PCDHGB1: variants seen among roughly 807,000 people sequenced by gnomAD.
PCDHGB1 encodes protocadherin gamma subfamily B, 1, also known as protocadherin gamma-B1.
In PCDHGB1, 34 loss-of-function variants were observed where a neutral mutation model predicts 56.6. That is an observed-to-expected ratio of 0.60 (90% CI 0.46 to 0.80). PCDHGB1 has a LOEUF of 0.80. Ranked by LOEUF, PCDHGB1 falls within the 30% of genes least tolerant of loss-of-function variation. The probability of loss-of-function intolerance (pLI) is 0.00; values close to 1 mark genes in which losing one functional copy is unlikely to be tolerated. For synonymous variants in PCDHGB1, 561 were observed against 505.9 expected (o/e 1.11, Z -1.46); for missense variants, 1,278 against 1,204.6 (o/e 1.06, Z -0.90).
rs761264372 is a variant in PCDHGB1 at position 141,489,500 on chromosome 5, A to G, written c.2410-5307A>G. 12 of 1,614,112 alleles carry G rather than the reference A, an allele frequency of 7.4e-6. No individual in the cohort carries two copies. In the South Asian group the frequency reaches 1.3e-4, roughly 18 times the overall value. On this transcript the variant is annotated intron_variant, in intron 1 of 3. Coordinates refer to ENST00000523390, the MANE Select transcript of PCDHGB1 (RefSeq NM_018922.3). This position sits in a 1 kb window ranked among gnomAD's most constrained non-coding sequence, Gnocchi z 4.5. ...TTGATGAGTGGTGCCCTGGCAGTGA[A>G]TCAAAAGATTGACCGAGAAAGCCTA...
chr5:141,389,398 T>A, intron 1 of PCDHGB1: 1 of 1,613,654 alleles, frequency 6.2e-7, no homozygotes. Flanking sequence ...TACGTGTCCA[T>A]AAGCGCGGAG....
rs756423770 is a variant in PCDHGB1 at position 141,430,950 on chromosome 5, T to G, written c.2410-63857T>G. 8 of 1,609,862 alleles carry G rather than the reference T, an allele frequency of 5.0e-6. No individual in the cohort carries two copies. The East Asian group carries it at 1.6e-4, about 31-fold the overall frequency. On this transcript the variant is annotated intron_variant, in intron 1 of 3. Coordinates refer to ENST00000523390, the MANE Select transcript of PCDHGB1 (RefSeq NM_018922.3). ...CCCCGGGAGCTCGCGGAGCGCGGAG[T>G]CCGCATCATCCCCAGAGGTAGGACG...
At chr5:141,478,765 C>T in intron 1 of PCDHGB1, 1 of 1,508,614 alleles carries the variant, frequency 6.6e-7, no homozygotes, top group Non-Finnish European at 8.9e-7. Context: ...AGATACTTGA[C>T]TCATCTGTGG....
chr5:141,427,704 G>C (rs2097059746), intron 1 of PCDHGB1: 2 of 966,116 alleles, frequency 2.1e-6, no homozygotes, highest in Non-Finnish European at 3.2e-6. Context: ...ACAAGTCAGC[G>C]CCTCTGACCT....
intron 1 of PCDHGB1, chr5:141,371,152 A>G (rs1767538477): frequency 9.3e-6 from 15 of 1,614,060 alleles, no homozygotes; most frequent in Non-Finnish European, 1.2e-5. Context: ...AATGTTGCAG[A>G]GAACCTGCCC....
chr5:141,393,250 C>G, intron 1 of PCDHGB1: 11 of 1,613,824 alleles, frequency 6.8e-6, no homozygotes, highest in South Asian at 1.1e-5. Flanking sequence ...AACGAAATCG[C>G]GGTTCCTGGA....
At chr5:141,375,477 A>G (rs757005832) in intron 1 of PCDHGB1, 132 of 1,613,680 alleles carry the variant, frequency 8.2e-5, no homozygotes, top group Non-Finnish European at 1.1e-4. Context: ...CTTGAAAACA[A>G]CCCCAGGGGT....
At chr5:141,475,832 T>G in intron 1 of PCDHGB1, 1 of 410,610 alleles carries the variant, frequency 2.4e-6, no homozygotes, top group Non-Finnish European at 4.4e-6. Flanking sequence ...CTAGCGCGTG[T>G]CCTGCTCAGA....
intron 1 of PCDHGB1, chr5:141,404,943 T>C: frequency 1.2e-6 from 2 of 1,613,914 alleles, no homozygotes; most frequent in Non-Finnish European, 8.5e-7. Context: ...ACAGTAGCCA[T>C]AGCTGACAGC....
intron 1 of PCDHGB1, chr5:141,355,141 G>C: frequency 6.6e-7 from 1 of 1,526,010 alleles, no homozygotes. Flanking sequence ...AGATCCTGGG[G>C]CTCCTCAGGC....
chr5:141,414,540 C>G, intron 1 of PCDHGB1: 1 of 1,613,948 alleles, frequency 6.2e-7, no homozygotes. Flanking sequence ...ACCCACCTAC[C>G]TTCTCTCAAG....
In PCDHGB1 at chr5:141,432,293, G is replaced by A; in HGVS notation, c.2410-62514G>A. On this transcript the variant is annotated intron_variant, in intron 1 of 3. Transcript: ENST00000523390. The surrounding 1 kb of genome is among the most constrained non-coding windows in gnomAD (Gnocchi z 6.0). ...CTACGTGTCCATCAACTCCGACACT[G>A]GGGTACTGTATGCGCTGAGCTCCTT... 1 of 1,614,254 alleles carries A rather than the reference G, an allele frequency of 6.2e-7. No homozygotes were observed. Among genetic ancestry groups the A allele is most frequent in the Non-Finnish European group, 8.5e-7 (1 of 1,180,040 alleles).
At position 141,453,908 on chromosome 5, in the gene PCDHGB1, A is replaced by T. The variant is rs1198219869; in HGVS notation, c.2410-40899A>T. On this transcript the variant is annotated intron_variant, in intron 1 of 3. Transcript: ENST00000523390. ...CCAATCACATGACTTCTTTCAAAGT[A>T]TGTCAGTGATCAGTCACTGTGTGCC... Among the ~76,000 whole-genome samples, 4 of 152,242 alleles carry T rather than the reference A, an allele frequency of 2.6e-5. No homozygotes were observed. The East Asian group carries it at 5.8e-4, about 22-fold the overall frequency.
chr5:141,371,942 G>A, intron 1 of PCDHGB1: 5 of 1,613,292 alleles, frequency 3.1e-6, no homozygotes, highest in South Asian at 2.2e-5. Flanking sequence ...TGGTGTTCGC[G>A]CAGCGAGCCT....
chr5:141,481,475 C>T (rs1423011632), intron 1 of PCDHGB1, among the ~76,000 whole-genome samples: 1 of 152,200 alleles, frequency 6.6e-6, no homozygotes, highest in Non-Finnish European at 1.5e-5. Context: ...TTGGATTATA[C>T]ACTTTAAATA....
intron 1 of PCDHGB1, among the ~76,000 whole-genome samples, chr5:141,482,529 GC>G (rs1229840218): frequency 3.6e-5 from 2 of 56,040 alleles, no homozygotes; most frequent in Non-Finnish European, 5.8e-5. Context: ...AGACAGACAT[GC>G]AAAAAAAAAA....
chr5:141,433,837 C>CAAAAAAAAAAAAAAA (rs56191208), intron 1 of PCDHGB1, among the ~76,000 whole-genome samples: 1 of 111,692 alleles, frequency 9.0e-6, no homozygotes. Flanking sequence ...AACTCTATCT[C>CAAAAAAAAAAAAAAA]AAAAAAAAAA....
intron 1 of PCDHGB1, chr5:141,365,738 T>A (rs1378974315): frequency 1.9e-6 from 3 of 1,613,586 alleles, no homozygotes; most frequent in Admixed American, 3.3e-5. Context: ...CAGAGGTGTC[T>A]CTATCTTCTC....
At position 141,511,519 on chromosome 5, in the gene PCDHGB1, C is replaced by A; in HGVS notation, c.*346C>A. On this transcript the variant is annotated 3_prime_UTR_variant, in exon 4 of 4. Transcript: ENST00000523390. ...CCAAATCAATCAGGCCCATCCATCC[C>A]ATGCCTCCCTCCTCCCCACCCCACT... 2.7e-6 allele frequency: 1 copy of A among 367,516 alleles called. No individual in the cohort carries two copies. The highest frequency in any genetic ancestry group is 2.7e-5 in the South Asian group (1 of 36,848). 22.8% of individuals were successfully genotyped at this position (367,516 alleles called of 1,614,324 possible). A position where few individuals can be genotyped will look rare whatever the true frequency, so the allele number is the denominator to read the frequency against.
Sources: gnomAD v4.1 joint callset for allele counts (sites outside exome capture counted in the v4.1 genomes callset) on GRCh38, gnomAD v4.1.1 for gene constraint, Gnocchi (gnomAD v3.1) non-coding constraint, MANE v1.5 for transcripts, NCBI Gene and HGNC (gene_info 2026-07-23, HGNC 2026-07-21) for gene names.